Variants in CACNB4 observed in about 807,000 individuals in gnomAD.
The protein encoded by CACNB4 is calcium voltage-gated channel auxiliary subunit beta 4.
In CACNB4, 32 loss-of-function variants were observed where a neutral mutation model predicts 71.2. The ratio of observed to expected loss-of-function variants is 0.45; its 90% CI spans 0.34 to 0.60. The LOEUF (loss-of-function observed/expected upper bound fraction) is 0.60, where lower values mean the gene tolerates loss of function less well. Ranked by LOEUF, CACNB4 falls within the 20% of genes least tolerant of loss-of-function variation. The pLI, the probability that CACNB4 is intolerant of heterozygous loss-of-function variation, is 0.01. For synonymous variants in CACNB4, 231 were observed against 236.9 expected (o/e 0.97, Z 0.23); for missense variants, 464 against 647.9 (o/e 0.72, Z 3.08).
At chr2:151,870,790 C>G in intron 7 of CACNB4, 52 bp downstream of exon 7, 1 of 1,449,456 alleles carries the variant, frequency 6.9e-7, no homozygotes, top group South Asian at 1.2e-5. Context: ...GCATTGCAGG[C>G]ATGTATATAT....
chr2:151,850,425 C>G (rs1292513928), intron 12 of CACNB4: 2 of 152,482 alleles, frequency 1.3e-5, no homozygotes, highest in African/African-American at 4.8e-5. Context: ...CAGGCATGAG[C>G]TACTGCACCT....
chr2:151,994,685 T>C (rs773769832), intron 2 of CACNB4, among the ~76,000 whole-genome samples: 1 of 152,254 alleles, frequency 6.6e-6, no homozygotes, highest in Non-Finnish European at 1.5e-5. Context: ...GGCTGCCTCA[T>C]AGGCTCCTTA....
intron 2 of CACNB4, among the ~76,000 whole-genome samples, chr2:152,070,819 G>A (rs1298264733): frequency 2.0e-5 from 3 of 152,192 alleles, no homozygotes; most frequent in Non-Finnish European, 2.9e-5. Flanking sequence ...CCAGGCTGGA[G>A]TGCAGTGGCA....
intron 2 of CACNB4, among the ~76,000 whole-genome samples, chr2:151,935,403 G>A (rs1169997513): frequency 1.3e-5 from 2 of 152,202 alleles, no homozygotes; most frequent in Non-Finnish European, 2.9e-5. Context: ...GTGAGACAAT[G>A]CATCAAAGCC....
chr2:152,020,638 T>C (rs567194500), intron 2 of CACNB4, among the ~76,000 whole-genome samples: 35 of 152,308 alleles, frequency 2.3e-4, no homozygotes, highest in Admixed American at 5.9e-4. Context: ...TTTGGTGCCA[T>C]GAAGCCAAAG....
intron 2 of CACNB4, among the ~76,000 whole-genome samples, chr2:152,018,201 C>T (rs2709763): frequency 1 from 152,178 of 152,228 alleles, 76,064 homozygotes; most frequent in Middle Eastern, 1. Flanking sequence ...CGAAAATAAA[C>T]AAAAGATGAA....
intron 2 of CACNB4, among the ~76,000 whole-genome samples, chr2:152,045,011 A>C (rs151163362): frequency 6.4e-4 from 97 of 152,310 alleles, no homozygotes; most frequent in Admixed American, 3.7e-3. Context: ...GAGAGAAAGG[A>C]GGATGTGAAG....
At chr2:151,897,989 AACTT>A (rs2099852502) in intron 2 of CACNB4, among the ~76,000 whole-genome samples, 1 of 152,226 alleles carries the variant, frequency 6.6e-6, no homozygotes, top group Non-Finnish European at 1.5e-5. Flanking sequence ...AGAAATATAA[AACTT>A]AATTAATTCA....
intron 2 of CACNB4, among the ~76,000 whole-genome samples, chr2:152,015,436 A>C (rs936069429): frequency 7.9e-5 from 12 of 152,234 alleles, no homozygotes; most frequent in African/African-American, 1.9e-4. Context: ...CAGCCAAAAC[A>C]ATTTTTTTTA....
chr2:152,034,575 A>T (rs1684459179), intron 2 of CACNB4, among the ~76,000 whole-genome samples: 1 of 152,252 alleles, frequency 6.6e-6, no homozygotes. Flanking sequence ...CATCATGAAA[A>T]GCATCGCATA....
rs531876874 is a variant in CACNB4 at position 152,022,132 on chromosome 2, G to A, written c.147+76198C>T. Among the ~76,000 whole-genome samples, 6 of 152,212 alleles carry A rather than the reference G, an allele frequency of 3.9e-5. No homozygotes were observed. The South Asian group carries it at 6.2e-4, about 16-fold the overall frequency. ...CTCTCTCCTCCTCTCTTTGGCAATC[G>A]GCTTATTGCCTATTACTTGCATCTC... On this transcript the variant is annotated intron_variant, in intron 2 of 13. Transcript: ENST00000539935.
In CACNB4 at chr2:152,098,482, C is replaced by T. The variant is rs749656794; in HGVS notation, c.64-69G>A. 6.8e-7 allele frequency: 1 copy of T among 1,460,326 alleles called. No homozygotes were observed. The highest frequency in any genetic ancestry group is 9.6e-7 in the Non-Finnish European group (1 of 1,041,564). The allele number at this position is 1,460,326 out of a possible 1,614,324, so 90.5% of individuals were successfully genotyped here. On this transcript the variant is annotated intron_variant, in intron 1 of 13. Transcript: ENST00000539935. This position sits in a 1 kb window ranked among gnomAD's most constrained non-coding sequence, Gnocchi z 5.3. Reference sequence around the variant, plus strand: ...GCAGCGCAGAGCGGGGCGACCACCCCCGGCTGGAGTCCGCCTCCGGACCCG... The same window carrying T: ...GCAGCGCAGAGCGGGGCGACCACCCTCGGCTGGAGTCCGCCTCCGGACCCG...
intron 2 of CACNB4, among the ~76,000 whole-genome samples, chr2:151,886,504 T>C (rs1270750180): frequency 1.3e-5 from 2 of 152,212 alleles, no homozygotes; most frequent in African/African-American, 4.8e-5. Context: ...ATGAACTTTA[T>C]GTTGAAATGT....
intron 2 of CACNB4, among the ~76,000 whole-genome samples, chr2:152,024,218 G>C (rs1683840473): frequency 6.6e-6 from 1 of 152,210 alleles, no homozygotes; most frequent in African/African-American, 2.4e-5. Context: ...AGCTACTCAG[G>C]AGGCTGAGAT....
chr2:151,955,281 T>A, intron 2 of CACNB4, among the ~76,000 whole-genome samples: 1 of 152,220 alleles, frequency 6.6e-6, no homozygotes, highest in East Asian at 1.9e-4. Flanking sequence ...ACTGAGAACA[T>A]CAATATCATA....
chr2:152,057,848 A>C (rs1685804270), intron 2 of CACNB4, among the ~76,000 whole-genome samples: 1 of 152,188 alleles, frequency 6.6e-6, no homozygotes, highest in African/African-American at 2.4e-5. Context: ...TTCCAAGGAC[A>C]TACTATAATA....
intron 2 of CACNB4, among the ~76,000 whole-genome samples, chr2:152,095,410 C>T (rs1468426708): frequency 6.6e-6 from 1 of 152,114 alleles, no homozygotes; most frequent in African/African-American, 2.4e-5. Context: ...GCTTCACCAA[C>T]AGCCCAGTCT....
intron 10 of CACNB4, chr2:151,858,003 T>A (rs748441832): frequency 3.3e-5 from 5 of 152,362 alleles, no homozygotes; most frequent in Non-Finnish European, 7.3e-5. Flanking sequence ...AATGTTTGGA[T>A]AATATGTATA....
chr2:152,072,928 C>T (rs867368771), intron 2 of CACNB4, among the ~76,000 whole-genome samples: 4 of 151,892 alleles, frequency 2.6e-5, no homozygotes, highest in East Asian at 1.9e-4. Context: ...GGATTACAGG[C>T]GTGAGCCACC....
Sources: gnomAD v4.1 joint callset for allele counts (sites outside exome capture counted in the v4.1 genomes callset) on GRCh38, gnomAD v4.1.1 for gene constraint, Gnocchi (gnomAD v3.1) non-coding constraint, MANE v1.5 for transcripts, NCBI Gene and HGNC (gene_info 2026-07-23, HGNC 2026-07-21) for gene names.